The following KALRN variants were observed in gnomAD, a reference collection of about 807,000 sequenced individuals.
The protein encoded by KALRN is kalirin RhoGEF kinase.
A neutral mutation model predicts 353.7 loss-of-function variants in KALRN; 70 were observed. The observed-to-expected ratio is 0.20, with a 90% confidence interval of 0.16 to 0.24. The LOEUF is 0.24. KALRN is among the 10% of genes least tolerant of loss of function. The probability of loss-of-function intolerance (pLI) is 1.00; values close to 1 mark genes in which losing one functional copy is unlikely to be tolerated. For synonymous variants in KALRN, 1,391 were observed against 1,434.8 expected, an observed-to-expected ratio of 0.97 and a Z score of 0.69; for missense variants, 2,791 against 3,756.7, an observed-to-expected ratio of 0.74 and a Z score of 6.72.
chr3:124,442,163 C>T (rs887440652), intron 19 of KALRN, 104 bp downstream of exon 19: 1 of 606,980 alleles, frequency 1.6e-6, no homozygotes, highest in Non-Finnish European at 2.8e-6. Context: ...CCTGCTGCTT[C>T]TCCTTAGAAA....
intron 33 of KALRN, among the ~76,000 whole-genome samples, chr3:124,512,390 G>C (rs1292496728): frequency 6.6e-6 from 1 of 152,188 alleles, no homozygotes; most frequent in Non-Finnish European, 1.5e-5. Flanking sequence ...GGTGGCTTAC[G>C]CCTATAATCC....
At chr3:124,602,953 TG>T (rs376936303) in intron 34 of KALRN, among the ~76,000 whole-genome samples, 83,502 of 146,676 alleles carry the variant, frequency 0.57, 23,362 homozygotes, top group East Asian at 0.83. Flanking sequence ...TTTTTTTTGT[TG>T]TTGTTTTGTT....
At chr3:124,661,764 A>AGTCCCT (rs2084906169) in intron 44 of KALRN, 87 bp from the exon 45 acceptor site, 9 of 986,266 alleles carry the variant, frequency 9.1e-6, no homozygotes, top group Non-Finnish European at 1.5e-5. Flanking sequence ...CCAGAGATGA[A>AGTCCCT]GTCCCTGTTT....
At chr3:124,221,453 A>T (rs550933887) in intron 1 of KALRN, among the ~76,000 whole-genome samples, 1 of 152,336 alleles carries the variant, frequency 6.6e-6, no homozygotes, top group African/African-American at 2.4e-5. Flanking sequence ...CCCTCAAGGC[A>T]TCAGGATCAG....
intron 1 of KALRN, among the ~76,000 whole-genome samples, chr3:124,107,516 G>T (rs532073497): frequency 6.6e-6 from 1 of 152,246 alleles, no homozygotes; most frequent in East Asian, 1.9e-4. Flanking sequence ...CCACCAACCT[G>T]GCCCCCTAGA....
At chr3:124,391,730 A>T (rs1334437409) in intron 11 of KALRN, among the ~76,000 whole-genome samples, 2 of 152,228 alleles carry the variant, frequency 1.3e-5, no homozygotes, top group Non-Finnish European at 2.9e-5. Flanking sequence ...AGAGGTGCTT[A>T]TTCAAAATTA....
At chr3:124,514,303 C>T (rs947894639) in intron 33 of KALRN, among the ~76,000 whole-genome samples, 2 of 152,108 alleles carry the variant, frequency 1.3e-5, no homozygotes, top group Admixed American at 1.3e-4. Context: ...TCCCCCACCC[C>T]ATCTAATGGA....
chr3:124,460,735 C>G (rs1485001519), intron 23 of KALRN, among the ~76,000 whole-genome samples: 1 of 152,192 alleles, frequency 6.6e-6, no homozygotes. Flanking sequence ...CTGTCTGACT[C>G]CAAAGCTTAT....
rs1439137300 is a variant in KALRN at position 124,562,979 on chromosome 3, G to A, written c.5072G>A (p.Arg1691His). The A allele has an allele frequency of 6.6e-6, 9 of 1,367,766 alleles. No homozygotes were observed. The highest frequency in any genetic ancestry group is 4.5e-5 in the East Asian group (1 of 21,992). 84.7% of individuals were successfully genotyped at this position (1,367,766 alleles called of 1,614,324 possible). ...GAGCGGCCTGGTTGGTGTCTGGTCCGTACCACCGAACGGAGCCCGCCCTTG... is the reference window on the plus strand; with the variant it reads ...GAGCGGCCTGGTTGGTGTCTGGTCCATACCACCGAACGGAGCCCGCCCTTG... ...PSERPGWCLV[R>H]TTERSPPLEG... The change falls in exon 34 of 60, where the codon CGT becomes CAT. Residue 1691 changes from arginine to histidine, a missense_variant. Transcript: ENST00000682506.
intron 10 of KALRN, among the ~76,000 whole-genome samples, chr3:124,361,922 C>A (rs980098522): frequency 6.6e-6 from 1 of 151,964 alleles, no homozygotes; most frequent in African/African-American, 2.4e-5. Flanking sequence ...TTTCTTCCTC[C>A]TTCTCCTCTT....
intron 14 of KALRN, among the ~76,000 whole-genome samples, chr3:124,414,587 G>A (rs745901794): frequency 2.2e-4 from 33 of 152,172 alleles, no homozygotes; most frequent in African/African-American, 2.4e-5. Context: ...TCTAACAAAT[G>A]AGTGAGCCCT....
chr3:124,680,158 G>A (rs2087624403), intron 51 of KALRN, among the ~76,000 whole-genome samples: 1 of 152,248 alleles, frequency 6.6e-6, no homozygotes, highest in South Asian at 2.1e-4. Flanking sequence ...AAGGAGCCCT[G>A]GGGAGGGCCT....
chr3:124,307,260 T>C (rs1482084670), intron 6 of KALRN, among the ~76,000 whole-genome samples: 1 of 152,072 alleles, frequency 6.6e-6, no homozygotes, highest in Non-Finnish European at 1.5e-5. Flanking sequence ...AAATTTGTAG[T>C]AGGCTAAGGA....
chr3:124,664,375 G>GCGCA (rs1553719901), intron 45 of KALRN, among the ~76,000 whole-genome samples: 1 of 145,318 alleles, frequency 6.9e-6, no homozygotes, highest in African/African-American at 2.8e-5. Flanking sequence ...GTGTGTGCGC[G>GCGCA]CGCGCGCATA....
intron 1 of KALRN, among the ~76,000 whole-genome samples, chr3:124,066,448 C>T (rs2042368884): frequency 6.6e-6 from 1 of 152,068 alleles, no homozygotes; most frequent in African/African-American, 2.4e-5. Context: ...GATGGCCCAG[C>T]CATGTTGGGT....
intron 10 of KALRN, chr3:124,374,319 T>A (rs1278353768): frequency 6.6e-6 from 1 of 152,274 alleles, no homozygotes; most frequent in Non-Finnish European, 1.5e-5. Flanking sequence ...TATAGCAGCA[T>A]GAATGGTCTA....
At chr3:124,503,969 T>A (rs138925740) in intron 33 of KALRN, among the ~76,000 whole-genome samples, 11 of 152,328 alleles carry the variant, frequency 7.2e-5, no homozygotes, top group Non-Finnish European at 1.0e-4. Context: ...AAATTGCCAA[T>A]CGTCTGCAAA....
intron 11 of KALRN, among the ~76,000 whole-genome samples, chr3:124,387,642 A>G (rs2088600230): frequency 6.6e-6 from 1 of 152,266 alleles, no homozygotes; most frequent in African/African-American, 2.4e-5. Context: ...CCATCAGAGA[A>G]TTCATTCAAA....
intron 1 of KALRN, among the ~76,000 whole-genome samples, chr3:124,075,697 T>A (rs562423504): frequency 1.5e-4 from 23 of 152,320 alleles, no homozygotes; most frequent in Non-Finnish European, 3.2e-4. Flanking sequence ...TTAAAAATAA[T>A]AGACTGTGAC....
Sources: allele counts gnomAD v4.1 joint callset (sites outside exome capture counted in the v4.1 genomes callset), GRCh38; gene constraint gnomAD v4.1.1; transcripts MANE v1.5; gene names NCBI Gene and HGNC (gene_info 2026-07-23, HGNC 2026-07-21).